Variants in SLIT3 observed in about 807,000 individuals in gnomAD.
The protein encoded by SLIT3 is slit homolog 3 protein.
SLIT3 carries 68 observed loss-of-function variants against 184.0 expected under a neutral mutation model. The observed-to-expected ratio is 0.37, with a 90% CI of 0.30 to 0.45. The LOEUF (loss-of-function observed/expected upper bound fraction) is 0.45. Among genes scored for constraint, SLIT3 ranks in the 20% least tolerant of loss-of-function variants. The pLI, the probability that SLIT3 is intolerant of heterozygous loss-of-function variation, is 1.00. For missense variants in SLIT3, 1,707 were observed against 2,026.0 expected (o/e 0.84, Z 3.02); for synonymous variants, 831 against 828.6 (o/e 1.00, Z -0.05).
chr5:168,701,051 C>T (rs1295750681), intron 26 of SLIT3, among the ~76,000 whole-genome samples: 2 of 152,212 alleles, frequency 1.3e-5, no homozygotes, highest in Admixed American at 6.5e-5. Flanking sequence ...GTTGGCTGAT[C>T]GTGACCTCAT....
intron 4 of SLIT3, among the ~76,000 whole-genome samples, chr5:168,890,317 A>G (rs532843481): frequency 1.3e-5 from 2 of 152,292 alleles, no homozygotes; most frequent in Admixed American, 1.3e-4. Context: ...GAAAAGAGAG[A>G]GATGCCAATC....
intron 26 of SLIT3, among the ~76,000 whole-genome samples, chr5:168,701,918 G>A (rs938176386): frequency 2.6e-5 from 4 of 152,224 alleles, no homozygotes; most frequent in South Asian, 2.1e-4. Context: ...TGGCTGCGAC[G>A]CTGCAGCCAA....
intron 4 of SLIT3, among the ~76,000 whole-genome samples, chr5:169,026,947 C>A (rs1231315172): frequency 6.6e-6 from 1 of 152,148 alleles, no homozygotes; most frequent in Non-Finnish European, 1.5e-5. Context: ...GGCTTGAAGT[C>A]TGAATGAGGG....
intron 4 of SLIT3, among the ~76,000 whole-genome samples, chr5:169,039,644 G>A (rs1489285708): frequency 2.6e-5 from 4 of 152,106 alleles, no homozygotes. Context: ...TCTTGAAATA[G>A]AAAAACAATA....
chr5:169,155,727 C>T (rs969782186), intron 4 of SLIT3, among the ~76,000 whole-genome samples: 1 of 152,192 alleles, frequency 6.6e-6, no homozygotes, highest in African/African-American at 2.4e-5. Context: ...TAAGGCATAG[C>T]CCTCCAATTC....
At chr5:168,800,990 T>C (rs968463901) in intron 9 of SLIT3, among the ~76,000 whole-genome samples, 1 of 152,110 alleles carries the variant, frequency 6.6e-6, no homozygotes, top group African/African-American at 2.4e-5. Context: ...TCACGGGAGA[T>C]TTCTAGGTAG....
intron 5 of SLIT3, among the ~76,000 whole-genome samples, chr5:168,845,799 G>T (rs191727936): frequency 1.1e-3 from 175 of 152,308 alleles, no homozygotes; most frequent in African/African-American, 3.5e-3. Flanking sequence ...CCAGATTGTT[G>T]TACTCGGTCT....
chr5:168,922,328 G>A (rs370104723), intron 4 of SLIT3, among the ~76,000 whole-genome samples: 1 of 151,814 alleles, frequency 6.6e-6, no homozygotes, highest in South Asian at 2.1e-4. Context: ...ATGGTGGCGG[G>A]TGCCTGTAGT....
At chr5:168,861,593 A>T (rs866657741) in intron 5 of SLIT3, among the ~76,000 whole-genome samples, 1 of 152,174 alleles carries the variant, frequency 6.6e-6, no homozygotes, top group African/African-American at 2.4e-5. Flanking sequence ...TGATTCCAGA[A>T]AAGGGACTTG....
At chr5:168,835,638 G>A (rs1473071313) in intron 6 of SLIT3, among the ~76,000 whole-genome samples, 2 of 151,756 alleles carry the variant, frequency 1.3e-5, no homozygotes, top group Non-Finnish European at 2.9e-5. Context: ...GTGAAACCCC[G>A]TCTCTACTAA....
chr5:169,201,862 A>C (rs1030101473), intron 3 of SLIT3, among the ~76,000 whole-genome samples: 1 of 152,224 alleles, frequency 6.6e-6, no homozygotes, highest in African/African-American at 2.4e-5. Context: ...GAAGCTGGGA[A>C]ATCTACAGGA....
intron 4 of SLIT3, among the ~76,000 whole-genome samples, chr5:169,104,149 A>G (rs1302966089): frequency 6.6e-6 from 1 of 152,100 alleles, no homozygotes; most frequent in Admixed American, 6.5e-5. Context: ...CCACCCCTCA[A>G]AGCTCAATTT....
chr5:168,895,776 C>T (rs1024089513), intron 4 of SLIT3, among the ~76,000 whole-genome samples: 7 of 152,208 alleles, frequency 4.6e-5, no homozygotes, highest in African/African-American at 1.7e-4. Context: ...ATGCTGTTCT[C>T]TTGCTTATTT....
rs190403488 is a variant in SLIT3, at chr5:168,680,970, A to T, written c.3686+2996T>A. ...GTTCAAGACCAGCCTGAGCAACATG[A>T]TGAAACCCTGTCTCTTCCAGAAAAA... is the stretch of plus-strand genomic sequence containing the variant. On this transcript the variant is annotated intron_variant, in intron 32 of 35. Coordinates refer to ENST00000519560, the MANE Select transcript of SLIT3 (RefSeq NM_003062.4). Among the ~76,000 whole-genome samples, 353 of 152,262 alleles carry T rather than the reference A, an allele frequency of 2.3e-3. 1 individual carries two copies. The highest frequency in any genetic ancestry group is 0.01 in the Middle Eastern group (3 of 294).
chr5:169,090,738 G>A (rs192327313), intron 4 of SLIT3, among the ~76,000 whole-genome samples: 1 of 152,326 alleles, frequency 6.6e-6, no homozygotes, highest in Admixed American at 6.5e-5. Context: ...CAAGACAGAG[G>A]CCGGATGGAG....
At chr5:168,773,994 G>C (rs1755653841) in intron 13 of SLIT3, among the ~76,000 whole-genome samples, 1 of 152,204 alleles carries the variant, frequency 6.6e-6, no homozygotes, top group Admixed American at 6.5e-5. Context: ...ACAGCACCAA[G>C]TAGGGTCACT....
intron 4 of SLIT3, among the ~76,000 whole-genome samples, chr5:169,099,144 T>G (rs983070399): frequency 1.3e-5 from 2 of 152,126 alleles, no homozygotes; most frequent in Non-Finnish European, 2.9e-5. Context: ...TCTTCTGACC[T>G]AGCCCCTTCC....
At chr5:168,772,595 T>TGTG in intron 14 of SLIT3, 186 bp downstream of exon 14, 1 of 609,986 alleles carries the variant, frequency 1.6e-6, no homozygotes, top group Non-Finnish European at 2.9e-6. Context: ...TGTGTGTGTG[T>TGTG]TTTATTTTAA....
At chr5:169,001,929 G>T (rs1394416318) in intron 4 of SLIT3, among the ~76,000 whole-genome samples, 3 of 152,038 alleles carry the variant, frequency 2.0e-5, no homozygotes, top group Non-Finnish European at 4.4e-5. Context: ...GGAGACATTG[G>T]TGGGAACTGC....
Sources: gnomAD v4.1 joint callset for allele counts (sites outside exome capture counted in the v4.1 genomes callset) on GRCh38, gnomAD v4.1.1 for gene constraint, MANE v1.5 for transcripts, NCBI Gene and HGNC (gene_info 2026-07-23, HGNC 2026-07-21) for gene names.